OTUD7B: variants seen among roughly 807,000 people sequenced by gnomAD.
The protein encoded by OTUD7B is OTU deubiquitinase 7B.
In OTUD7B, 34 loss-of-function variants were observed where a neutral mutation model predicts 82.2. That is an observed-to-expected ratio of 0.41 (90% confidence interval 0.31 to 0.55). The LOEUF is 0.55. Among genes scored for constraint, OTUD7B ranks in the 20% least tolerant of loss-of-function variants. The pLI is 0.20. For synonymous variants in OTUD7B, 398 were observed against 402.7 expected (o/e 0.99, Z 0.14); for missense variants, 944 against 1,062.1 (o/e 0.89, Z 1.55).
upstream of OTUD7B, among the ~76,000 whole-genome samples, chr1:150,013,134 T>C (rs1383401041): frequency 6.6e-6 from 1 of 152,162 alleles, no homozygotes; most frequent in Non-Finnish European, 1.5e-5. Flanking sequence ...GGAAAAAAGG[T>C]AAAAGCACCA....
chr1:149,952,186 C>T (rs1648309724), intron 7 of OTUD7B, among the ~76,000 whole-genome samples: 1 of 150,802 alleles, frequency 6.6e-6, no homozygotes, highest in Admixed American at 6.6e-5. Context: ...TCTCCTAATG[C>T]TATCCCTCCC....
At chr1:149,960,754 A>C (rs1003190024) in intron 6 of OTUD7B, among the ~76,000 whole-genome samples, 10 of 151,472 alleles carry the variant, frequency 6.6e-5, no homozygotes, top group African/African-American at 2.4e-4. Context: ...GGCTACCTCA[A>C]ACTCTGTAAA....
chr1:149,997,370 G>C (rs994382725), intron 1 of OTUD7B, among the ~76,000 whole-genome samples: 2 of 152,104 alleles, frequency 1.3e-5, no homozygotes, highest in Non-Finnish European at 2.9e-5. Flanking sequence ...CTCCCTTTCA[G>C]GTAATAAGAT....
At chr1:150,005,341 C>G (rs1221646020) in intron 1 of OTUD7B, among the ~76,000 whole-genome samples, 2 of 152,136 alleles carry the variant, frequency 1.3e-5, no homozygotes, top group Non-Finnish European at 2.9e-5. Flanking sequence ...ATTTTCTTAT[C>G]TACAGCTATT....
chr1:149,947,691 AATAGGT>A lies in OTUD7B; in HGVS notation c.1239-362_1239-357del, dbSNP rs1437031847. On this transcript the variant is annotated intron_variant, in intron 10 of 11. Coordinates refer to ENST00000581312, the MANE Select transcript of OTUD7B (RefSeq NM_020205.4). ...TATTATTTAGAAGGAGCTTTTGATA[AATAGGT>A]GAGAGGTTATTTTTAAAAAGCCATA... 2.0e-5 allele frequency among the ~76,000 whole-genome samples: 3 copies of A among 152,138 alleles called. No homozygotes were observed. The East Asian group carries it at 5.8e-4, about 29-fold the overall frequency.
At chr1:150,029,091 G>A in the OTUD7B span, among the ~76,000 whole-genome samples, 12 of 152,056 alleles carry the variant, frequency 7.9e-5, no homozygotes, top group South Asian at 4.1e-4. Context: ...CTCTAGTATC[G>A]GCTATATTCA....
In OTUD7B at chr1:149,958,001, C is replaced by T. The variant is rs587689207; in HGVS notation, c.845+1683G>A. Among the ~76,000 whole-genome samples the T allele has an allele frequency of 2.6e-5, 4 of 152,318 alleles. No homozygotes were observed. In the East Asian group the frequency reaches 7.7e-4, roughly 29 times the overall value. ...GTGCTTCCCAGGTGAGGCAATGCCC[C>T]GCCCTGCTTCGGCTCACGCTCCGTG... On this transcript the variant is annotated intron_variant, in intron 7 of 11. Coordinates refer to ENST00000581312, the MANE Select transcript of OTUD7B (RefSeq NM_020205.4).
chr1:150,031,645 G>T, the OTUD7B span, among the ~76,000 whole-genome samples: 1 of 152,108 alleles, frequency 6.6e-6, no homozygotes, highest in Non-Finnish European at 1.5e-5. Context: ...TTTTAATATA[G>T]CATAGTAGTT....
At chr1:149,966,911 C>T (rs1553776654) in intron 4 of OTUD7B, among the ~76,000 whole-genome samples, 3 of 152,140 alleles carry the variant, frequency 2.0e-5, no homozygotes, top group African/African-American at 7.2e-5. Context: ...TTAAGATAAA[C>T]ACAATTACAA....
chr1:149,972,311 C>T (rs1032418698), intron 2 of OTUD7B, among the ~76,000 whole-genome samples: 8 of 152,208 alleles, frequency 5.3e-5, no homozygotes, highest in Non-Finnish European at 7.3e-5. Context: ...TAAATCATTA[C>T]ATTAGCCAAT....
intron 7 of OTUD7B, among the ~76,000 whole-genome samples, chr1:149,957,838 G>A (rs1331620424): frequency 3.3e-5 from 5 of 152,248 alleles, no homozygotes; most frequent in Admixed American, 3.3e-4. Flanking sequence ...TCCGAGCCAG[G>A]CACGGGATAT....
Position 149,943,570 on chromosome 1 carries a change from G to A in OTUD7B, c.*287C>T, listed in dbSNP as rs1647413382. ...CTACTTTCTCTTAGGTCCCTGGATGGGACCCAGGAGGTTATAAGACAGAAT... is the reference window on the plus strand; with the variant it reads ...CTACTTTCTCTTAGGTCCCTGGATGAGACCCAGGAGGTTATAAGACAGAAT... On this transcript the variant is annotated 3_prime_UTR_variant, in exon 12 of 12. Transcript: ENST00000581312. 5.5e-6 allele frequency: 2 copies of A among 361,346 alleles called. No homozygotes were observed. Among genetic ancestry groups the A allele is most frequent in the South Asian group, 5.2e-5 (1 of 19,260 alleles). 22.4% of individuals were successfully genotyped at this position (361,346 alleles called of 1,614,324 possible).
intron 8 of OTUD7B, 122 bp downstream of exon 8, chr1:149,949,972 G>T: frequency 7.1e-7 from 1 of 1,411,430 alleles, no homozygotes; most frequent in Non-Finnish European, 9.6e-7. Context: ...TATTCTAATT[G>T]ATAACTTGCT....
intron 1 of OTUD7B, among the ~76,000 whole-genome samples, chr1:149,982,697 T>C (rs1450533424): frequency 1.3e-5 from 2 of 152,090 alleles, no homozygotes; most frequent in Admixed American, 6.5e-5. Flanking sequence ...AATTTCATTA[T>C]CTCTTCTAAT....
At chr1:149,984,271 G>A (rs781927311) in intron 1 of OTUD7B, among the ~76,000 whole-genome samples, 2 of 152,088 alleles carry the variant, frequency 1.3e-5, no homozygotes, top group Non-Finnish European at 2.9e-5. Flanking sequence ...AAAGCAAGAG[G>A]GGTTCCTTTA....
Position 149,941,267 on chromosome 1 carries a change from T to G in OTUD7B, c.*2590A>C, listed in dbSNP as rs1475808398. The G allele has an allele frequency of 6.6e-6, 1 of 152,202 alleles. No individual in the cohort carries two copies. The highest frequency in any genetic ancestry group is 1.9e-4 in the East Asian group (1 of 5,198). 9.4% of individuals were successfully genotyped at this position (152,202 alleles called of 1,614,324 possible). On this transcript the variant is annotated 3_prime_UTR_variant, in exon 12 of 12. Transcript: ENST00000581312. ...ATCAAATCCAAACACAGCAGTCCAGTGGAGAATCAAAACTTTTCCGGCTTT... is the reference window on the plus strand; with the variant it reads ...ATCAAATCCAAACACAGCAGTCCAGGGGAGAATCAAAACTTTTCCGGCTTT...
chr1:149,973,347 T>C (rs1553777963), intron 2 of OTUD7B, among the ~76,000 whole-genome samples: 3 of 152,162 alleles, frequency 2.0e-5, no homozygotes, highest in Non-Finnish European at 2.9e-5. Flanking sequence ...TCACTTGAGC[T>C]CAGGAGGCCA....
upstream of OTUD7B, among the ~76,000 whole-genome samples, chr1:150,011,256 C>G (rs1280688138): frequency 6.6e-6 from 1 of 152,144 alleles, no homozygotes; most frequent in Non-Finnish European, 1.5e-5. Context: ...CAGTGATACC[C>G]TGTTGATACA....
intron 1 of OTUD7B, among the ~76,000 whole-genome samples, chr1:149,991,999 G>C (rs1325417551): frequency 6.6e-6 from 1 of 152,196 alleles, no homozygotes; most frequent in Non-Finnish European, 1.5e-5. Context: ...GGAGGCCAAG[G>C]CAGGCGGATC....
Sources: allele counts gnomAD v4.1 joint callset (sites outside exome capture counted in the v4.1 genomes callset), GRCh38; gene constraint gnomAD v4.1.1; transcripts MANE v1.5; gene names NCBI Gene and HGNC (gene_info 2026-07-23, HGNC 2026-07-21).